PPP6R2: variants seen among roughly 807,000 people sequenced by gnomAD.
PPP6R2 encodes protein phosphatase 6 regulatory subunit 2, also known as serine/threonine-protein phosphatase 6 regulatory subunit 2.
PPP6R2 carries 62 observed loss-of-function variants against 100.2 expected under a neutral mutation model. That is an observed-to-expected ratio of 0.62 (90% confidence interval 0.50 to 0.76). The LOEUF is 0.76. Among genes scored for constraint, PPP6R2 ranks in the 30% least tolerant of loss-of-function variants. PPP6R2 has a pLI of 0.00. For synonymous variants in PPP6R2, 525 were observed against 514.7 expected (o/e 1.02, Z -0.27); for missense variants, 1,142 against 1,276.3 (o/e 0.89, Z 1.60).
intron 3 of PPP6R2, 94 bp downstream of exon 3, chr22:50,394,229 G>T (rs553353373): frequency 6.6e-7 from 1 of 1,514,958 alleles, no homozygotes; most frequent in Non-Finnish European, 8.8e-7. Flanking sequence ...GGGGATTTCT[G>T]ATGAAGAAGC....
At chr22:50,354,131 C>T (rs987257206) in intron 1 of PPP6R2, among the ~76,000 whole-genome samples, 5 of 151,734 alleles carry the variant, frequency 3.3e-5, no homozygotes, top group African/African-American at 1.2e-4. Flanking sequence ...ATGGTGAAAC[C>T]CTGTCTCTAC....
At chr22:50,339,844 GGT>G (rs754477770), upstream of PPP6R2, among the ~76,000 whole-genome samples, 43 of 118,194 alleles carry the variant, frequency 3.6e-4, no homozygotes, top group African/African-American at 6.2e-4. Flanking sequence ...TGTGGTGTGT[GGT>G]GTGTGTGTGG....
At chr22:50,442,012 G>C (rs537726310) in intron 22 of PPP6R2, among the ~76,000 whole-genome samples, 23 of 152,246 alleles carry the variant, frequency 1.5e-4, no homozygotes, top group Admixed American at 1.0e-3. Flanking sequence ...GGAAGTCCTC[G>C]GGCTGGATTC....
chr22:50,373,713 AATTT>A (rs1315266776), intron 2 of PPP6R2, among the ~76,000 whole-genome samples: 1 of 151,654 alleles, frequency 6.6e-6, no homozygotes, highest in Middle Eastern at 3.4e-3. Flanking sequence ...CACTACGGCT[AATTT>A]ATTTATTTAT....
intron 5 of PPP6R2, among the ~76,000 whole-genome samples, chr22:50,415,421 G>C (rs2060395301): frequency 6.6e-6 from 1 of 152,248 alleles, no homozygotes; most frequent in Non-Finnish European, 1.5e-5. Context: ...CCTTTACACA[G>C]TGGACACAGG....
upstream of PPP6R2, among the ~76,000 whole-genome samples, chr22:50,340,845 A>G (rs1312013223): frequency 6.6e-6 from 1 of 151,800 alleles, no homozygotes; most frequent in Non-Finnish European, 1.5e-5. Context: ...AACAGCAGGG[A>G]CTTTGTCGTT....
the PPP6R2 span, among the ~76,000 whole-genome samples, chr22:50,334,934 G>A: frequency 6.6e-6 from 1 of 152,010 alleles, no homozygotes; most frequent in East Asian, 1.9e-4. Context: ...CTGGGCAACA[G>A]AGTGAGACTC....
intron 3 of PPP6R2, among the ~76,000 whole-genome samples, chr22:50,405,915 A>AG (rs2058836731): frequency 4.6e-5 from 3 of 65,922 alleles, no homozygotes; most frequent in Admixed American, 2.0e-4. Context: ...GGCGAGTGTG[A>AG]AGGCCTGGAG....
intron 10 of PPP6R2, among the ~76,000 whole-genome samples, chr22:50,428,442 G>A (rs781637825): frequency 6.6e-5 from 10 of 152,176 alleles, no homozygotes; most frequent in Non-Finnish European, 1.3e-4. Context: ...CAGGTGTGGT[G>A]GCTCATGTTT....
At chr22:50,356,117 C>T (rs1206069195) in intron 1 of PPP6R2, among the ~76,000 whole-genome samples, 1 of 151,512 alleles carries the variant, frequency 6.6e-6, no homozygotes, top group Non-Finnish European at 1.5e-5. Context: ...CGCCCGCCAC[C>T]ACGCCCGGCT....
chr22:50,407,033 G>T (rs1283214988), intron 4 of PPP6R2, among the ~76,000 whole-genome samples, 158 bp downstream of exon 4: 1 of 152,164 alleles, frequency 6.6e-6, no homozygotes, highest in Non-Finnish European at 1.5e-5. Flanking sequence ...GGTTTTGCCA[G>T]TCTGGGAGCT....
intron 2 of PPP6R2, among the ~76,000 whole-genome samples, chr22:50,372,539 A>G (rs942897735): frequency 6.6e-6 from 1 of 151,646 alleles, no homozygotes; most frequent in Non-Finnish European, 1.5e-5. Flanking sequence ...ACAGAGCAAG[A>G]CTCTGTTTCA....
At position 50,379,360 on chromosome 22, in the gene PPP6R2, G is replaced by A. The variant is rs115990446; in HGVS notation, c.-17+7210G>A. Reference sequence around the variant, plus strand: ...AAAAATAAAAAAATTAGCCGGGAGCGGTGGTGCATGCCTGTAGTTCCAGCT... The same window carrying A: ...AAAAATAAAAAAATTAGCCGGGAGCAGTGGTGCATGCCTGTAGTTCCAGCT... On this transcript the variant is annotated intron_variant, in intron 2 of 23. Coordinates refer to ENST00000612753, the MANE Select transcript of PPP6R2 (RefSeq NM_001242898.2). 8.7e-3 allele frequency among the ~76,000 whole-genome samples: 1,322 copies of A among 152,130 alleles called. 13 individuals carry two copies. The highest frequency in any genetic ancestry group is 0.029 in the African/African-American group (1,198 of 41,512).
At position 50,439,726 on chromosome 22, in the gene PPP6R2, T is replaced by G; in HGVS notation, c.2154T>G (p.Asp718Glu). 2 of 1,608,744 alleles carry G rather than the reference T, an allele frequency of 1.2e-6. No individual in the cohort carries two copies. The highest frequency in any genetic ancestry group is 1.7e-6 in the Non-Finnish European group (2 of 1,177,308). The change falls in exon 20 of 24, where the codon GAT (aspartate) becomes GAG (glutamate). Residue 718 changes from aspartate (D) to glutamate (E), a missense_variant. By Grantham distance (45) the Asp-to-Glu change is conservative. Transcript: ENST00000612753. ...SEGAMWTAVF[D>E]EPANSTPTAP... ...GCGCCATGTGGACGGCAGTGTTTGA[T>G]GAGCCAGCGAACTCAACGCCCACAG...
chr22:50,359,005 C>T lies in PPP6R2; in HGVS notation c.-147-13015C>T, dbSNP rs891202053. 7.5e-5 allele frequency among the ~76,000 whole-genome samples: 7 copies of T among 92,750 alleles called. No individual in the cohort carries two copies. In the East Asian group the frequency reaches 1.9e-3, roughly 26 times the overall value. 60.8% of individuals were successfully genotyped at this position (92,750 alleles called of 152,430 possible). A position where few individuals can be genotyped will look rare whatever the true frequency, so the allele number is the denominator to read the frequency against. On this transcript the variant is annotated intron_variant, in intron 1 of 23. Coordinates refer to ENST00000612753, the MANE Select transcript of PPP6R2 (RefSeq NM_001242898.2). ...TAAAAGAACCGCCCCCCCCCCCCCC[C>T]CAACTCTTTTTTTGAGACGGAGTCT...
At chr22:50,339,994 A>G (rs1455904641), upstream of PPP6R2, among the ~76,000 whole-genome samples, 11 of 60,566 alleles carry the variant, frequency 1.8e-4, no homozygotes, top group Non-Finnish European at 1.9e-4. Context: ...AGTGTGTGTT[A>G]TGTGGCGTGT....
chr22:50,437,197 C>T lies in PPP6R2; in HGVS notation c.1683+129C>T, dbSNP rs182592944. 333 of 902,240 alleles carry T rather than the reference C, an allele frequency of 3.7e-4. 2 individuals are homozygous for T. The East Asian group carries it at 6.8e-3, about 19-fold the overall frequency. The allele number at this position is 902,240 out of a possible 1,614,324, so 55.9% of individuals were successfully genotyped here. A position where few individuals can be genotyped will look rare whatever the true frequency, so the allele number is the denominator to read the frequency against. ...GGGAGCGGGGGCTCGTCTCCGAGCA[C>T]GTATGGGGCGGGGTGGGTCTGAAGG... On this transcript the variant is annotated intron_variant, in intron 15 of 23. Transcript: ENST00000612753.
At chr22:50,436,559 C>A in intron 14 of PPP6R2, 107 bp downstream of exon 14, 1 of 1,088,710 alleles carries the variant, frequency 9.2e-7, no homozygotes, top group Non-Finnish European at 1.4e-6. Context: ...ACAAGGGCCG[C>A]ACGCCTGCCT....
chr22:50,333,863 C>T, the PPP6R2 span, among the ~76,000 whole-genome samples: 1 of 152,022 alleles, frequency 6.6e-6, no homozygotes, highest in African/African-American at 2.4e-5. Flanking sequence ...GTTTACAAGG[C>T]AAGAGGGCAG....
Sources: gnomAD v4.1 joint callset for allele counts (sites outside exome capture counted in the v4.1 genomes callset) on GRCh38, gnomAD v4.1.1 for gene constraint, MANE v1.5 for transcripts, NCBI Gene and HGNC (gene_info 2026-07-23, HGNC 2026-07-21) for gene names.